The following GMDS variants were observed in gnomAD, a reference collection of about 807,000 sequenced individuals.
GMDS encodes GDP-mannose 4,6 dehydratase.
A neutral mutation model predicts 49.9 loss-of-function variants in GMDS; 20 were observed. The observed-to-expected ratio is 0.40, with a 90% CI of 0.28 to 0.58. The LOEUF (loss-of-function observed/expected upper bound fraction) is 0.58, where lower values mean the gene tolerates loss of function less well. GMDS is among the 20% of genes least tolerant of loss of function. The probability of loss-of-function intolerance (pLI) is 0.42; values close to 1 mark genes in which losing one functional copy is unlikely to be tolerated. For synonymous variants in GMDS, 177 were observed against 178.6 expected, an observed-to-expected ratio of 0.99 and a Z score of 0.07; for missense variants, 362 against 481.4, an observed-to-expected ratio of 0.75 and a Z score of 2.32.
intron 9 of GMDS, among the ~76,000 whole-genome samples, chr6:1,684,272 AG>A (rs1764895624): frequency 6.6e-6 from 1 of 152,182 alleles, no homozygotes; most frequent in African/African-American, 2.4e-5. Flanking sequence ...GGAATGCAAC[AG>A]GGCAGAGCGG....
intron 1 of GMDS, among the ~76,000 whole-genome samples, chr6:2,230,930 T>TCCCCCCCCCCCCCC (rs797010185): frequency 4.1e-4 from 6 of 14,540 alleles, no homozygotes; most frequent in Non-Finnish European, 5.0e-4. Flanking sequence ...AGTATTCTCT[T>TCCCCCCCCCCCCCC]CCCCCCTCCC....
intron 1 of GMDS, among the ~76,000 whole-genome samples, chr6:2,131,615 G>A (rs535165549): frequency 2.0e-5 from 3 of 152,136 alleles, no homozygotes; most frequent in East Asian, 1.9e-4. Flanking sequence ...TTCAACATAC[G>A]AAGGATTTAT....
chr6:2,064,278 T>C (rs1771389466), intron 4 of GMDS, among the ~76,000 whole-genome samples: 1 of 152,196 alleles, frequency 6.6e-6, no homozygotes, highest in African/African-American at 2.4e-5. Flanking sequence ...TCACAAATTA[T>C]ACATGTAATT....
At chr6:2,153,144 T>C (rs1446243863) in intron 1 of GMDS, among the ~76,000 whole-genome samples, 1 of 152,202 alleles carries the variant, frequency 6.6e-6, no homozygotes, top group South Asian at 2.1e-4. Context: ...AACAACATTT[T>C]AGGAAGCAAG....
chr6:1,664,354 C>G (rs10214732), intron 9 of GMDS, among the ~76,000 whole-genome samples: 50,726 of 152,052 alleles, frequency 0.33, 8,838 homozygotes, highest in Middle Eastern at 0.47. Flanking sequence ...CACCTGCCCA[C>G]CCCCTGGAAC....
At chr6:1,773,064 T>C (rs1008481520) in intron 7 of GMDS, among the ~76,000 whole-genome samples, 8 of 151,804 alleles carry the variant, frequency 5.3e-5, no homozygotes, top group African/African-American at 1.9e-4. Context: ...GAGGAGGCTC[T>C]TGGCAAGGAG....
chr6:2,136,605 A>C (rs2127523654), intron 1 of GMDS, among the ~76,000 whole-genome samples: 1 of 152,328 alleles, frequency 6.6e-6, no homozygotes, highest in East Asian at 1.9e-4. Flanking sequence ...GGTGTGTCCC[A>C]GCTGCTCAGG....
At chr6:1,737,555 TACACACACACACC>T (rs1767046310) in intron 8 of GMDS, among the ~76,000 whole-genome samples, 1 of 126,272 alleles carries the variant, frequency 7.9e-6, no homozygotes, top group African/African-American at 3.0e-5. Flanking sequence ...CACACACAGA[TACACACACACACC>T]ACACACACAA....
At position 1,788,522 on chromosome 6, in the gene GMDS, T is replaced by C. The variant is rs138618587; in HGVS notation, c.772-45936A>G. Among the ~76,000 whole-genome samples the C allele has an allele frequency of 2.3e-3, 345 of 152,304 alleles. 1 individual carries two copies. The highest frequency in any genetic ancestry group is 0.012 in the South Asian group (56 of 4,818). Reference sequence around the variant, plus strand: ...AAATAGTTACAAGAAAGAGGTAGTTTCTGATATTACACTAGCAATGGAAGG... The same window carrying C: ...AAATAGTTACAAGAAAGAGGTAGTTCCTGATATTACACTAGCAATGGAAGG... On this transcript the variant is annotated intron_variant, in intron 7 of 10. Coordinates refer to ENST00000380815, the MANE Select transcript of GMDS (RefSeq NM_001500.4).
At chr6:2,106,429 T>C (rs1260134918) in intron 4 of GMDS, among the ~76,000 whole-genome samples, 1 of 152,234 alleles carries the variant, frequency 6.6e-6, no homozygotes, top group African/African-American at 2.4e-5. Flanking sequence ...AGCTTTACTA[T>C]GTATTTTAAA....
At chr6:1,737,999 C>CACAT (rs1459909474) in intron 8 of GMDS, among the ~76,000 whole-genome samples, 6 of 136,016 alleles carry the variant, frequency 4.4e-5, no homozygotes, top group African/African-American at 1.7e-4. Flanking sequence ...AAACACACCA[C>CACAT]ACACACAGAC....
chr6:2,088,799 A>C (rs1190279507), intron 4 of GMDS, among the ~76,000 whole-genome samples: 1 of 152,160 alleles, frequency 6.6e-6, no homozygotes, highest in East Asian at 1.9e-4. Flanking sequence ...AAGCTCAGAT[A>C]AGATGCATAA....
chr6:2,157,764 C>A (rs1777180680), intron 1 of GMDS, among the ~76,000 whole-genome samples: 1 of 152,078 alleles, frequency 6.6e-6, no homozygotes, highest in Admixed American at 6.5e-5. Context: ...GAAAGAGAGC[C>A]ACAGGAAAAA....
At chr6:1,801,647 A>G (rs1769954681) in intron 7 of GMDS, among the ~76,000 whole-genome samples, 1 of 152,246 alleles carries the variant, frequency 6.6e-6, no homozygotes, top group Non-Finnish European at 1.5e-5. Context: ...TCAAGAAGCT[A>G]AAACGGTGAG....
At chr6:1,769,843 C>T (rs1414424635) in intron 7 of GMDS, among the ~76,000 whole-genome samples, 3 of 152,144 alleles carry the variant, frequency 2.0e-5, no homozygotes, top group African/African-American at 7.2e-5. Context: ...TCTCGTGCCT[C>T]AGCCTTCCAA....
intron 7 of GMDS, among the ~76,000 whole-genome samples, chr6:1,894,447 TTAATATTAAAACATTTCA>T (rs1166869402): frequency 6.6e-6 from 1 of 152,198 alleles, no homozygotes; most frequent in Non-Finnish European, 1.5e-5. Context: ...CCACCTAATT[TTAATATTAAAACATTTCA>T]TAATATTAAA....
chr6:1,750,491 C>T (rs984933343), intron 7 of GMDS, among the ~76,000 whole-genome samples: 5 of 152,144 alleles, frequency 3.3e-5, no homozygotes, highest in African/African-American at 1.2e-4. Context: ...TTGGGGAACT[C>T]CATCCCCTAG....
intron 1 of GMDS, among the ~76,000 whole-genome samples, chr6:2,230,975 G>A (rs1020968588): frequency 1.2e-5 from 1 of 86,428 alleles, no homozygotes; most frequent in Non-Finnish European, 2.1e-5. Context: ...TAATACCCAG[G>A]GTTGACCAAC....
At chr6:1,731,324 A>C (rs1009439708) in intron 8 of GMDS, among the ~76,000 whole-genome samples, 15 of 152,340 alleles carry the variant, frequency 9.8e-5, no homozygotes, top group African/African-American at 3.1e-4. Context: ...ACTCTCTTAA[A>C]ATAAGTCAAG....
Sources: gnomAD v4.1 joint callset for allele counts (sites outside exome capture counted in the v4.1 genomes callset) on GRCh38, gnomAD v4.1.1 for gene constraint, MANE v1.5 for transcripts, NCBI Gene and HGNC (gene_info 2026-07-23, HGNC 2026-07-21) for gene names.